Variants in WNT2 observed in about 807,000 individuals in gnomAD.
WNT2 encodes protein Wnt-2.
A neutral mutation model predicts 36.9 loss-of-function variants in WNT2; 12 were observed. That is an observed-to-expected ratio of 0.33 (90% CI 0.21 to 0.53). WNT2 has a LOEUF of 0.53. Among genes scored for constraint, WNT2 ranks in the 20% least tolerant of loss-of-function variants. The pLI is 0.95. For synonymous variants in WNT2, 163 were observed against 174.6 expected (o/e 0.93, Z 0.52); for missense variants, 379 against 473.1 (o/e 0.80, Z 1.84).
At position 117,282,568 on chromosome 7, in the gene WNT2, G is replaced by A. The variant is rs1034044565; in HGVS notation, c.854-4184C>T. 3.9e-5 allele frequency among the ~76,000 whole-genome samples: 6 copies of A among 152,320 alleles called. No individual in the cohort carries two copies. In the East Asian group the frequency reaches 9.7e-4, roughly 25 times the overall value. The stretch of plus-strand genomic sequence containing the variant: ...CAGGAAATGAGCAAAGCTCTGCAAC[G>A]TGTGAGGAGCAGGAAAGTGTTCCCT... On this transcript the variant is annotated intron_variant, in intron 4 of 4. Transcript: ENST00000265441.
chr7:117,320,119 C>T (rs1759474627), intron 2 of WNT2, among the ~76,000 whole-genome samples: 2 of 152,170 alleles, frequency 1.3e-5, no homozygotes, highest in Admixed American at 1.3e-4. Context: ...CTTAATATCA[C>T]TTAAGTGGTG....
Position 117,281,476 on chromosome 7 carries a change from G to A in WNT2, c.854-3092C>T, listed in dbSNP as rs540393067. Among the ~76,000 whole-genome samples the A allele has an allele frequency of 3.3e-5, 5 of 152,154 alleles. No individual in the cohort carries two copies. In the East Asian group the frequency reaches 5.8e-4, roughly 18 times the overall value. ...TGGTCTCAAACTCCTGGGCTCAAGC[G>A]ATCCTCCTGCTTTGACCCCCACCAA... On this transcript the variant is annotated intron_variant, in intron 4 of 4. Coordinates refer to ENST00000265441, the MANE Select transcript of WNT2 (RefSeq NM_003391.3).
At chr7:117,288,915 T>C (rs2116337375) in intron 4 of WNT2, among the ~76,000 whole-genome samples, 1 of 152,180 alleles carries the variant, frequency 6.6e-6, no homozygotes, top group Non-Finnish European at 1.5e-5. Context: ...GCTGTTAATA[T>C]GAGAATTAGG....
chr7:117,312,949 C>T (rs1159171260), intron 3 of WNT2, among the ~76,000 whole-genome samples: 1 of 152,200 alleles, frequency 6.6e-6, no homozygotes, highest in African/African-American at 2.4e-5. Flanking sequence ...TTGCTCTCCC[C>T]TACCCCTCCC....
At chr7:117,305,332 T>A (rs1296892115) in intron 3 of WNT2, among the ~76,000 whole-genome samples, 2 of 152,162 alleles carry the variant, frequency 1.3e-5, no homozygotes, top group African/African-American at 4.8e-5. Context: ...TCTTCCAAAT[T>A]CTTTCTTTTT....
chr7:117,294,971 A>G (rs775197476), intron 4 of WNT2, among the ~76,000 whole-genome samples: 1 of 152,180 alleles, frequency 6.6e-6, no homozygotes, highest in Non-Finnish European at 1.5e-5. Context: ...CATGCCTGTA[A>G]TCACAGCTAC....
Position 117,297,787 on chromosome 7 carries a change from G to A in WNT2, c.678C>T (p.Asp226=), listed in dbSNP as rs755295806. Residue 226 remains aspartate, a synonymous_variant, in exon 4 of 5, where the codon GAC becomes GAT. Transcript: ENST00000265441. ...AGAGATAATCGCCCGTTTTCCTGAA[G>A]TCGGCCATGGCCAGCCAGCATGTCC... ...TLRTCWLAMA[D]FRKTGDYLWR... 2 of 1,614,194 alleles carry A rather than the reference G, an allele frequency of 1.2e-6. No homozygotes were observed. The highest frequency in any genetic ancestry group is 3.3e-5 in the Admixed American group (2 of 60,020).
chr7:117,312,164 G>GT (rs1416172710), intron 3 of WNT2, among the ~76,000 whole-genome samples: 4 of 152,010 alleles, frequency 2.6e-5, no homozygotes, highest in Admixed American at 6.6e-5. Context: ...TTGTTTGTTT[G>GT]TTTGTTTTGT....
intron 2 of WNT2, 106 bp from the exon 3 acceptor site, chr7:117,315,454 A>G: frequency 8.4e-7 from 1 of 1,196,188 alleles, no homozygotes; most frequent in Non-Finnish European, 1.2e-6. Context: ...AACCTTTGCC[A>G]CTAGACAACA....
chr7:117,306,384 C>T (rs1309312644), intron 3 of WNT2, among the ~76,000 whole-genome samples: 1 of 152,204 alleles, frequency 6.6e-6, no homozygotes, highest in Non-Finnish European at 1.5e-5. Flanking sequence ...GCTTTTGATA[C>T]TATGTGCAAG....
At chr7:117,279,767 C>T (rs1794447774) in intron 4 of WNT2, among the ~76,000 whole-genome samples, 1 of 151,990 alleles carries the variant, frequency 6.6e-6, no homozygotes, top group Non-Finnish European at 1.5e-5. Flanking sequence ...TGCTTGCTAT[C>T]AACAATCCCA....
intron 2 of WNT2, among the ~76,000 whole-genome samples, chr7:117,316,984 A>G (rs979196796): frequency 1.3e-5 from 2 of 152,180 alleles, no homozygotes. Context: ...CTTTTATTAT[A>G]TCCATTTTAC....
In WNT2 at chr7:117,322,101, A is replaced by G. The variant is rs940569324; in HGVS notation, c.83+806T>C. 2 of 152,318 alleles carry G rather than the reference A, an allele frequency of 1.3e-5. No individual in the cohort carries two copies. The highest frequency in any genetic ancestry group is 4.8e-5 in the African/African-American group (2 of 41,578). 9.4% of individuals were successfully genotyped at this position (152,318 alleles called of 1,614,324 possible). On this transcript the variant is annotated intron_variant, in intron 1 of 4. Coordinates refer to ENST00000265441, the MANE Select transcript of WNT2 (RefSeq NM_003391.3). The surrounding 1 kb of genome is among the most constrained non-coding windows in gnomAD (Gnocchi z 5.4). Reference sequence around the variant, plus strand: ...GCTATCAACTCTATCTCTTTCCAAGACCAGAAAGTCGGCAGATGGAGAACG... The same window carrying G: ...GCTATCAACTCTATCTCTTTCCAAGGCCAGAAAGTCGGCAGATGGAGAACG...
chr7:117,285,949 C>G (rs1212399579), intron 4 of WNT2, among the ~76,000 whole-genome samples: 3 of 152,142 alleles, frequency 2.0e-5, no homozygotes, highest in Non-Finnish European at 1.5e-5. Flanking sequence ...CATCTTTATA[C>G]CAAACAATTG....
chr7:117,312,190 G>T (rs192815529), intron 3 of WNT2, among the ~76,000 whole-genome samples: 1 of 152,170 alleles, frequency 6.6e-6, no homozygotes, highest in Non-Finnish European at 1.5e-5. Flanking sequence ...TTGAGACAGG[G>T]TCTCGTGCTG....
At chr7:117,291,799 CAG>C (rs1271787346) in intron 4 of WNT2, among the ~76,000 whole-genome samples, 13 of 151,874 alleles carry the variant, frequency 8.6e-5, no homozygotes, top group Admixed American at 6.6e-4. Flanking sequence ...TTTTTTGAGA[CAG>C]AGTTTCACTC....
intron 4 of WNT2, among the ~76,000 whole-genome samples, chr7:117,283,785 T>C (rs1794536203): frequency 6.6e-6 from 1 of 152,226 alleles, no homozygotes; most frequent in Non-Finnish European, 1.5e-5. Context: ...AGTAGTTCAA[T>C]GTTCAGTTAT....
In WNT2 at chr7:117,318,014, C is replaced by A. The variant is rs184478885; in HGVS notation, c.310+2553G>T. On this transcript the variant is annotated intron_variant, in intron 2 of 4. Coordinates refer to ENST00000265441, the MANE Select transcript of WNT2 (RefSeq NM_003391.3). ...TGCTAGTTCTGTCCTTGTTTCTCTG[C>A]CTGTGACTGGTAACTATCTGTTGAA... 3.4e-3 allele frequency among the ~76,000 whole-genome samples: 520 copies of A among 152,264 alleles called. 4 individuals are homozygous for A. Among genetic ancestry groups the A allele is most frequent in the African/African-American group, 0.012 (501 of 41,554 alleles).
chr7:117,278,296 G>A lies in WNT2; in HGVS notation c.942C>T (p.Asp314=), dbSNP rs1299618808. ...CEVMCCGRGY[D]TSHVTRMTKC... ...TGGTCATCCGGGTGACATGGGAGGT[G>A]TCGTAGCCTCTCCCACAGCACATGA... The change falls in exon 5 of 5, where the codon GAC becomes GAT. Residue 314 remains aspartate, a synonymous_variant. Transcript: ENST00000265441. The A allele has an allele frequency of 1.9e-6, 3 of 1,614,126 alleles. No homozygotes were observed. The highest frequency in any genetic ancestry group is 1.6e-4 in the Middle Eastern group (1 of 6,084).
Sources: gnomAD v4.1 joint callset for allele counts (sites outside exome capture counted in the v4.1 genomes callset) on GRCh38, gnomAD v4.1.1 for gene constraint, Gnocchi (gnomAD v3.1) non-coding constraint, MANE v1.5 for transcripts, NCBI Gene and HGNC (gene_info 2026-07-23, HGNC 2026-07-21) for gene names.